Variants in MASP1 observed in about 807,000 individuals in gnomAD.
MASP1 encodes the protein MBL associated serine protease 1, also known as mannan-binding lectin serine protease 1.
Under a neutral mutation model 77.1 loss-of-function variants are expected in MASP1, and 59 were observed. That is an observed-to-expected ratio of 0.77 (90% confidence interval 0.62 to 0.95). The LOEUF is 0.95. MASP1 is among the 40% of genes least tolerant of loss of function. The pLI, the probability that MASP1 is intolerant of heterozygous loss-of-function variation, is 0.00. For missense variants in MASP1, 885 were observed against 912.9 expected, an observed-to-expected ratio of 0.97 and a Z score of 0.39; for synonymous variants, 362 against 354.5, an observed-to-expected ratio of 1.02 and a Z score of -0.24.
chr3:187,278,702 C>T (rs1404962879), intron 2 of MASP1, among the ~76,000 whole-genome samples: 1 of 152,184 alleles, frequency 6.6e-6, no homozygotes, highest in African/African-American at 2.4e-5. Context: ...CTGATTCCTC[C>T]TTTTTCCTCT....
At chr3:187,275,799 G>A (rs998671686) in intron 2 of MASP1, among the ~76,000 whole-genome samples, 1 of 144,022 alleles carries the variant, frequency 6.9e-6, no homozygotes, top group African/African-American at 2.6e-5. Flanking sequence ...CCCCAATCTG[G>A]TTGTTAGCAC....
downstream of MASP1, among the ~76,000 whole-genome samples, chr3:187,233,558 A>G (rs570533194): frequency 6.6e-6 from 1 of 152,356 alleles, no homozygotes; most frequent in East Asian, 1.9e-4. Context: ...CTACATGCAC[A>G]TAAGCTTGTC....
intron 2 of MASP1, among the ~76,000 whole-genome samples, chr3:187,280,763 A>G (rs1427330963): frequency 6.6e-6 from 1 of 152,220 alleles, no homozygotes; most frequent in Non-Finnish European, 1.5e-5. Context: ...TAATTCTGTT[A>G]AATAAATAGA....
At position 187,236,488 on chromosome 3, in the gene MASP1, G is replaced by A; in HGVS notation, c.1383C>T (p.Phe461=). 6.2e-7 allele frequency: 1 copy of A among 1,614,072 alleles called. No individual in the cohort carries two copies. The highest frequency in any genetic ancestry group is 8.5e-7 in the Non-Finnish European group (1 of 1,180,004). ...CCACCACTATCAGGGCCTGCCACGG[G>A]AAGAGGCCAGGCTCAGCATTTCGGC... ...IGGRNAEPGL[F]PWQALIVVED... is the part of the protein sequence containing the mutation. Residue 461 remains phenylalanine, a synonymous_variant, in exon 11 of 11, where the codon TTC becomes TTT. Transcript: ENST00000296280.
chr3:187,243,818 G>A, intron 8 of MASP1, 197 bp from the exon 9 acceptor site: 1 of 667,938 alleles, frequency 1.5e-6, no homozygotes, highest in South Asian at 1.7e-5. Flanking sequence ...TGCTTTTGAG[G>A]TCTCTTCCAT....
intron 5 of MASP1, among the ~76,000 whole-genome samples, chr3:187,256,169 G>T (rs1192239769): frequency 6.6e-6 from 1 of 152,070 alleles, no homozygotes; most frequent in African/African-American, 2.4e-5. Context: ...GCCTCTTCCC[G>T]CAAGTGGGCC....
At chr3:187,221,001 A>C in intron 15 of MASP1, 1 of 1,556,454 alleles carries the variant, frequency 6.4e-7, no homozygotes, top group Non-Finnish European at 8.9e-7. Flanking sequence ...CCTGGCTGGC[A>C]GCGCCCCTGT....
chr3:187,261,420 T>C (rs1380084431), intron 3 of MASP1, among the ~76,000 whole-genome samples: 3 of 152,216 alleles, frequency 2.0e-5, no homozygotes, highest in Admixed American at 2.0e-4. Flanking sequence ...GGCATTTGAA[T>C]GTACATTTCC....
At chr3:187,278,625 T>G (rs1156595583) in intron 2 of MASP1, among the ~76,000 whole-genome samples, 1 of 152,218 alleles carries the variant, frequency 6.6e-6, no homozygotes, top group East Asian at 1.9e-4. Context: ...TCTACACATC[T>G]TCACGTTCCT....
chr3:187,247,067 C>T, intron 8 of MASP1: 1 of 1,378,684 alleles, frequency 7.3e-7, no homozygotes, highest in Non-Finnish European at 9.4e-7. Context: ...ACAGTCCACT[C>T]AGAGGTGCTA....
intron 13 of MASP1, among the ~76,000 whole-genome samples, chr3:187,224,398 G>C (rs953108846): frequency 2.8e-4 from 40 of 143,624 alleles, no homozygotes; most frequent in African/African-American, 6.0e-4. Context: ...CCAGGCTGGA[G>C]TGCAGTGGCG....
At chr3:187,288,293 G>T (rs1177763634) in intron 1 of MASP1, among the ~76,000 whole-genome samples, 1 of 152,188 alleles carries the variant, frequency 6.6e-6, no homozygotes, top group African/African-American at 2.4e-5. Context: ...TAGTTGGAAA[G>T]CTGAGTCAAA....
At chr3:187,275,738 T>C (rs1039393709) in intron 2 of MASP1, among the ~76,000 whole-genome samples, 1 of 152,170 alleles carries the variant, frequency 6.6e-6, no homozygotes, top group African/African-American at 2.4e-5. Context: ...TATCTGAATG[T>C]CGAATGATAA....
Position 187,234,557 on chromosome 3 carries a change from CTGCCA to C in MASP1, c.*1122_*1126del, listed in dbSNP as rs1372391277. ...CAGGACTCCTGGCTCTTTTCACTGCCTGCCATGGGTGAGCCTCTGATTCCTTTGAC... is the reference window on the plus strand; with the variant it reads ...CAGGACTCCTGGCTCTTTTCACTGCCTGGGTGAGCCTCTGATTCCTTTGAC... On this transcript the variant is annotated 3_prime_UTR_variant, in exon 11 of 11. Transcript: ENST00000296280. 1.6e-6 allele frequency: 2 copies of C among 1,287,228 alleles called. No homozygotes were observed. 79.7% of individuals were successfully genotyped at this position (1,287,228 alleles called of 1,614,324 possible).
At chr3:187,224,321 G>A (rs1436142422) in intron 13 of MASP1, among the ~76,000 whole-genome samples, 2 of 149,468 alleles carry the variant, frequency 1.3e-5, no homozygotes, top group African/African-American at 4.9e-5. Context: ...TCACAGTGGT[G>A]TTTGAGCCTG....
intron 7 of MASP1, among the ~76,000 whole-genome samples, chr3:187,251,116 A>G (rs1003044047): frequency 3.9e-5 from 6 of 151,900 alleles, no homozygotes; most frequent in Admixed American, 2.6e-4. Context: ...CCGCCACCAC[A>G]CCTGGCTATT....
intron 8 of MASP1, among the ~76,000 whole-genome samples, chr3:187,245,837 G>C (rs1424413487): frequency 1.3e-5 from 2 of 152,178 alleles, no homozygotes; most frequent in African/African-American, 4.8e-5. Flanking sequence ...TATCTCCATG[G>C]TAATTTCTTG....
chr3:187,275,244 T>C (rs537423034), intron 2 of MASP1, among the ~76,000 whole-genome samples: 26 of 152,188 alleles, frequency 1.7e-4, no homozygotes, highest in African/African-American at 6.3e-4. Flanking sequence ...AGCCAGGACG[T>C]GGGTGAAGGC....
intron 1 of MASP1, among the ~76,000 whole-genome samples, chr3:187,289,192 C>T (rs537679734): frequency 6.6e-6 from 1 of 152,100 alleles, no homozygotes; most frequent in Non-Finnish European, 1.5e-5. Context: ...TAGGAACAGG[C>T]TAGCAGGACT....
Sources: gnomAD v4.1 joint callset for allele counts (sites outside exome capture counted in the v4.1 genomes callset) on GRCh38, gnomAD v4.1.1 for gene constraint, MANE v1.5 for transcripts, NCBI Gene and HGNC (gene_info 2026-07-23, HGNC 2026-07-21) for gene names.